TTC28: variants seen among roughly 807,000 people sequenced by gnomAD.
TTC28 encodes tetratricopeptide repeat domain 28, also known as tetratricopeptide repeat protein 28.
Under a neutral mutation model 198.0 loss-of-function variants are expected in TTC28, and 61 were observed. That is an observed-to-expected ratio of 0.31 (90% CI 0.25 to 0.38). TTC28 has a LOEUF of 0.38. TTC28 is among the 10% of genes least tolerant of loss of function. The pLI, the probability that TTC28 is intolerant of heterozygous loss-of-function variation, is 1.00. For missense variants in TTC28, 2,678 were observed against 3,164.0 expected, an observed-to-expected ratio of 0.85 and a Z score of 3.69; for synonymous variants, 1,171 against 1,297.8, an observed-to-expected ratio of 0.90 and a Z score of 2.10.
chr22:28,119,723 T>C (rs182796651), intron 6 of TTC28, among the ~76,000 whole-genome samples: 1 of 152,258 alleles, frequency 6.6e-6, no homozygotes, highest in Non-Finnish European at 1.5e-5. Context: ...AAAACGACAA[T>C]AGCACCACAT....
intron 12 of TTC28, among the ~76,000 whole-genome samples, chr22:28,092,227 C>G (rs547030889): frequency 7.9e-5 from 12 of 152,186 alleles, no homozygotes; most frequent in African/African-American, 1.2e-4. Flanking sequence ...GAGGCAAACC[C>G]TCTTTGGGCA....
At chr22:28,046,701 C>T (rs976214375) in intron 12 of TTC28, among the ~76,000 whole-genome samples, 7 of 152,106 alleles carry the variant, frequency 4.6e-5, no homozygotes, top group African/African-American at 1.7e-4. Flanking sequence ...GATGCCTGTA[C>T]ACATAGGATA....
At chr22:28,403,044 G>T (rs1028636271) in intron 2 of TTC28, among the ~76,000 whole-genome samples, 2 of 152,166 alleles carry the variant, frequency 1.3e-5, no homozygotes, top group African/African-American at 2.4e-5. Flanking sequence ...TTAACCTACG[G>T]AAGTAGCCAA....
chr22:28,250,487 GAGGTTGTTTCC>G (rs1930440740), intron 5 of TTC28, among the ~76,000 whole-genome samples: 1 of 152,090 alleles, frequency 6.6e-6, no homozygotes, highest in Non-Finnish European at 1.5e-5. Context: ...GTATCTGTGG[GAGGTTGTTTCC>G]AGGACTTACC....
chr22:28,320,182 G>T (rs1274837282), intron 2 of TTC28, among the ~76,000 whole-genome samples: 5 of 152,106 alleles, frequency 3.3e-5, no homozygotes, highest in African/African-American at 9.7e-5. Flanking sequence ...TTCTAGGGCT[G>T]GGAGAGGATT....
intron 2 of TTC28, among the ~76,000 whole-genome samples, chr22:28,546,371 G>A (rs1261236125): frequency 1.3e-5 from 2 of 152,172 alleles, no homozygotes; most frequent in Admixed American, 6.5e-5. Flanking sequence ...GCTTGAACCC[G>A]GGAGGCGGGG....
intron 6 of TTC28, among the ~76,000 whole-genome samples, chr22:28,148,612 C>CAAA (rs35433132): frequency 4.2e-3 from 316 of 74,970 alleles, no homozygotes; most frequent in African/African-American, 0.014. Context: ...GACTCTGTCT[C>CAAA]AAAAAAAAAA....
intron 5 of TTC28, among the ~76,000 whole-genome samples, chr22:28,286,016 T>C (rs1447274023): frequency 1.3e-5 from 2 of 152,046 alleles, no homozygotes; most frequent in African/African-American, 4.8e-5. Flanking sequence ...TTTTTTTTTT[T>C]TGAGACAGAA....
At chr22:28,496,883 G>C (rs1169314455) in intron 2 of TTC28, among the ~76,000 whole-genome samples, 1 of 152,060 alleles carries the variant, frequency 6.6e-6, no homozygotes, top group African/African-American at 2.4e-5. Context: ...ACTTGCTCCA[G>C]ACACACTGCC....
chr22:28,086,495 C>T (rs1381219307), intron 12 of TTC28, among the ~76,000 whole-genome samples: 3 of 152,186 alleles, frequency 2.0e-5, no homozygotes, highest in African/African-American at 7.2e-5. Flanking sequence ...ACCATAATCT[C>T]TGGGACACGT....
At chr22:28,042,653 C>T (rs1939695803) in intron 12 of TTC28, among the ~76,000 whole-genome samples, 1 of 151,348 alleles carries the variant, frequency 6.6e-6, no homozygotes, top group African/African-American at 2.4e-5. Context: ...ATGGGTGCAG[C>T]AAACCAACAG....
intron 13 of TTC28, chr22:28,028,900 G>A: frequency 4.6e-6 from 2 of 438,680 alleles, no homozygotes; most frequent in Non-Finnish European, 9.5e-6. Flanking sequence ...TGACGAGACT[G>A]AGGCTGACAG....
At chr22:28,452,770 T>C (rs1482506760) in intron 2 of TTC28, among the ~76,000 whole-genome samples, 1 of 152,170 alleles carries the variant, frequency 6.6e-6, no homozygotes. Context: ...CTCGATTATC[T>C]GAGTCATGGT....
At chr22:28,015,751 AG>A (rs1938346282) in intron 13 of TTC28, among the ~76,000 whole-genome samples, 1 of 151,968 alleles carries the variant, frequency 6.6e-6, no homozygotes. Flanking sequence ...ACCTCGATTT[AG>A]ACACTGTTCA....
intron 2 of TTC28, among the ~76,000 whole-genome samples, chr22:28,442,431 G>C (rs2047639467): frequency 6.6e-6 from 1 of 152,240 alleles, no homozygotes; most frequent in Non-Finnish European, 1.5e-5. Flanking sequence ...CGGGGCCCTG[G>C]GGAAACGGCT....
At chr22:28,438,562 A>G (rs1378735238) in intron 2 of TTC28, among the ~76,000 whole-genome samples, 1 of 152,246 alleles carries the variant, frequency 6.6e-6, no homozygotes, top group African/African-American at 2.4e-5. Context: ...ATGTGTGAAC[A>G]GTAAAATAAC....
chr22:28,553,436 C>T (rs1312650937), intron 2 of TTC28, among the ~76,000 whole-genome samples: 4 of 149,732 alleles, frequency 2.7e-5, no homozygotes, highest in Non-Finnish European at 4.4e-5. Flanking sequence ...CTCTGCCCCG[C>T]CGCCCTGTCT....
intron 5 of TTC28, among the ~76,000 whole-genome samples, chr22:28,260,167 A>T (rs1352753533): frequency 1.3e-5 from 2 of 152,202 alleles, no homozygotes; most frequent in Non-Finnish European, 2.9e-5. Context: ...AAAGCATAAT[A>T]TCACAGGACA....
chr22:28,198,091 A>G (rs961390849), intron 5 of TTC28, among the ~76,000 whole-genome samples: 1 of 152,208 alleles, frequency 6.6e-6, no homozygotes, highest in Non-Finnish European at 1.5e-5. Flanking sequence ...TCGTCAGAAC[A>G]AATCAAAAGT....
Sources: allele counts gnomAD v4.1 joint callset (sites outside exome capture counted in the v4.1 genomes callset), GRCh38; gene constraint gnomAD v4.1.1; transcripts MANE v1.5; gene names NCBI Gene and HGNC (gene_info 2026-07-23, HGNC 2026-07-21).